NPFFR2: variants seen among roughly 807,000 people sequenced by gnomAD.
NPFFR2 encodes neuropeptide FF receptor 2.
A neutral mutation model predicts 13.1 loss-of-function variants in NPFFR2; 15 were observed. That is an observed-to-expected ratio of 1.15 (90% CI 0.77 to 1.76). The LOEUF is 1.76. Ranked by LOEUF, NPFFR2 falls within the 40% of genes most tolerant of loss-of-function variation. The pLI, the probability that NPFFR2 is intolerant of heterozygous loss-of-function variation, is 0.00. For synonymous variants in NPFFR2, 190 were observed against 175.7 expected (o/e 1.08, Z -0.65); for missense variants, 572 against 503.5 (o/e 1.14, Z -1.30).
Position 72,050,881 on chromosome 4 carries a change from C to T in NPFFR2, c.-8+18681C>T, listed in dbSNP as rs1373414403. Among the ~76,000 whole-genome samples the T allele has an allele frequency of 1.5e-4, 23 of 150,732 alleles. No homozygotes were observed. In the East Asian group the frequency reaches 2.6e-3, roughly 17 times the overall value. ...ATGCGGTGTTTGGTTTTTGTTCTTG[C>T]GATAGTTTACTGAGAATGATGATTT... On this transcript the variant is annotated intron_variant, in intron 1 of 3. Transcript: ENST00000308744.
chr4:72,035,035 A>T (rs1252986317), intron 1 of NPFFR2, among the ~76,000 whole-genome samples: 1 of 152,238 alleles, frequency 6.6e-6, no homozygotes, highest in African/African-American at 2.4e-5. Context: ...ACGTAAAAGG[A>T]TGAATTATAA....
In NPFFR2 at chr4:72,127,355, C is replaced by CTTTTTTTTTTTTTTTTTTTTT. The variant is rs1341571145; in HGVS notation, c.-7-1226_-7-1225insTTTTTTTTTTTTTTTTTTTTT. Among the ~76,000 whole-genome samples, 17 of 91,198 alleles carry CTTTTTTTTTTTTTTTTTTTTT rather than the reference C, an allele frequency of 1.9e-4. 1 individual carries two copies. The highest frequency in any genetic ancestry group is 7.8e-4 in the African/African-American group (17 of 21,704). The allele number at this position is 91,198 out of a possible 152,430, so 59.8% of individuals were successfully genotyped here. ...AAGTCATACAGATTCTAAATAATTT[C>CTTTTTTTTTTTTTTTTTTTTT]TTTTCTTTTTTTTTTTTTTTTTTTT... is the stretch of plus-strand genomic sequence containing the variant. On this transcript the variant is annotated intron_variant, in intron 1 of 3. Transcript: ENST00000308744.
At chr4:72,043,996 T>C (rs1177097006) in intron 1 of NPFFR2, among the ~76,000 whole-genome samples, 2 of 152,130 alleles carry the variant, frequency 1.3e-5, no homozygotes, top group Admixed American at 6.5e-5. Flanking sequence ...TGGGAAGTAA[T>C]TGAATCACGG....
intron 1 of NPFFR2, among the ~76,000 whole-genome samples, chr4:72,110,898 T>C (rs1578462050): frequency 6.6e-6 from 1 of 152,010 alleles, no homozygotes; most frequent in East Asian, 1.9e-4. Flanking sequence ...GTTATCTTTC[T>C]GGTGACTTTG....
At chr4:72,046,176 G>A (rs1238242382) in intron 1 of NPFFR2, among the ~76,000 whole-genome samples, 1 of 152,146 alleles carries the variant, frequency 6.6e-6, no homozygotes, top group African/African-American at 2.4e-5. Flanking sequence ...ACTTTGGATA[G>A]TTACTTATAC....
intron 1 of NPFFR2, among the ~76,000 whole-genome samples, chr4:72,127,366 T>C (rs1284158888): frequency 1.1e-4 from 12 of 107,260 alleles, no homozygotes; most frequent in African/African-American, 2.5e-4. Context: ...TTTTCTTTTT[T>C]TTTTTTTTTT....
intron 1 of NPFFR2, among the ~76,000 whole-genome samples, chr4:72,079,734 G>T (rs1442729667): frequency 2.0e-5 from 3 of 152,124 alleles, no homozygotes; most frequent in Non-Finnish European, 4.4e-5. Flanking sequence ...TATTCAGAAT[G>T]TATCAAAACA....
Position 72,138,124 on chromosome 4 carries a change from C to T in NPFFR2, c.413C>T (p.Ala138Val), listed in dbSNP as rs1722476110. ...GCAGCTTCAGTCTTTACGTTAGTTGCAATTGCTGTAGATAGGTAAGTCTGC... is the reference window on the plus strand; with the variant it reads ...GCAGCTTCAGTCTTTACGTTAGTTGTAATTGCTGTAGATAGGTAAGTCTGC... ...SVAASVFTLV[A>V]IAVDRFQCVV... The change falls in exon 3 of 4, where the codon GCA becomes GTA. Residue 138 changes from alanine to valine, a missense_variant. Coordinates refer to ENST00000308744, the MANE Select transcript of NPFFR2 (RefSeq NM_004885.3). The T allele has an allele frequency of 6.2e-7, 1 of 1,612,844 alleles. No individual in the cohort carries two copies. The highest frequency in any genetic ancestry group is 8.5e-7 in the Non-Finnish European group (1 of 1,179,024).
chr4:72,059,888 C>T (rs1018553643), intron 1 of NPFFR2, among the ~76,000 whole-genome samples: 2 of 152,100 alleles, frequency 1.3e-5, no homozygotes, highest in African/African-American at 4.8e-5. Context: ...AACTTGGGAA[C>T]CTGCACATTA....
chr4:72,092,914 T>C (rs1720954798), intron 1 of NPFFR2, among the ~76,000 whole-genome samples: 1 of 152,160 alleles, frequency 6.6e-6, no homozygotes. Flanking sequence ...TTTCATCATA[T>C]TGTTTTACAG....
chr4:72,103,537 C>T (rs1029914266), intron 1 of NPFFR2, among the ~76,000 whole-genome samples: 1 of 151,986 alleles, frequency 6.6e-6, no homozygotes, highest in African/African-American at 2.4e-5. Flanking sequence ...TATAGCAGCA[C>T]AAACGAATTA....
intron 1 of NPFFR2, among the ~76,000 whole-genome samples, chr4:72,117,120 A>G (rs1721736722): frequency 6.6e-6 from 1 of 152,088 alleles, no homozygotes; most frequent in African/African-American, 2.4e-5. Flanking sequence ...TCTATGCCCT[A>G]TAAAACCTTG....
chr4:72,125,081 C>G (rs1371326494), intron 1 of NPFFR2, among the ~76,000 whole-genome samples: 1 of 152,060 alleles, frequency 6.6e-6, no homozygotes, highest in African/African-American at 2.4e-5. Flanking sequence ...AACAAATTTA[C>G]CAGAAAAAAC....
At chr4:72,126,692 C>T (rs1722052001) in intron 1 of NPFFR2, among the ~76,000 whole-genome samples, 1 of 152,168 alleles carries the variant, frequency 6.6e-6, no homozygotes, top group Non-Finnish European at 1.5e-5. Context: ...AGAAGATCCC[C>T]ACTTGATCAT....
At chr4:72,119,613 T>C (rs868002782) in intron 1 of NPFFR2, among the ~76,000 whole-genome samples, 15 of 151,998 alleles carry the variant, frequency 9.9e-5, no homozygotes, top group African/African-American at 3.4e-4. Context: ...AGACAGTGGG[T>C]GCAGCCCACG....
intron 1 of NPFFR2, among the ~76,000 whole-genome samples, chr4:72,118,779 T>A (rs1721784331): frequency 6.6e-6 from 1 of 152,184 alleles, no homozygotes; most frequent in African/African-American, 2.4e-5. Context: ...AGAATTCAAC[T>A]GTGAACTGGT....
chr4:72,134,607 T>C (rs573271714), intron 2 of NPFFR2, among the ~76,000 whole-genome samples: 19 of 152,328 alleles, frequency 1.2e-4, no homozygotes, highest in African/African-American at 4.1e-4. Context: ...TTCTCTCTTA[T>C]AAAATGTTTT....
chr4:72,102,825 G>T (rs139756335), intron 1 of NPFFR2, among the ~76,000 whole-genome samples: 2,698 of 152,006 alleles, frequency 0.018, 87 homozygotes, highest in African/African-American at 0.061. Flanking sequence ...AGTGCCGCAG[G>T]AAACATACGT....
At chr4:72,083,268 C>T (rs989202445) in intron 1 of NPFFR2, among the ~76,000 whole-genome samples, 3 of 152,138 alleles carry the variant, frequency 2.0e-5, no homozygotes, top group Admixed American at 2.0e-4. Context: ...ACTCTCCATA[C>T]TGTTTTCTAT....
Sources: allele counts gnomAD v4.1 joint callset (sites outside exome capture counted in the v4.1 genomes callset), GRCh38; gene constraint gnomAD v4.1.1; transcripts MANE v1.5; gene names NCBI Gene and HGNC (gene_info 2026-07-23, HGNC 2026-07-21).